The following WWTR1 variants were observed in gnomAD, a reference collection of about 807,000 sequenced individuals.
WWTR1 encodes the protein WW domain-containing transcription regulator protein 1.
A neutral mutation model predicts 40.1 loss-of-function variants in WWTR1; 13 were observed. The ratio of observed to expected loss-of-function variants is 0.32; its 90% CI spans 0.21 to 0.52. The LOEUF is 0.52. Ranked by LOEUF, WWTR1 falls within the 20% of genes least tolerant of loss-of-function variation. The probability of loss-of-function intolerance (pLI) is 0.97; values close to 1 mark genes in which losing one functional copy is unlikely to be tolerated. For synonymous variants in WWTR1, 230 were observed against 210.1 expected, an observed-to-expected ratio of 1.09 and a Z score of -0.82; for missense variants, 436 against 523.1, an observed-to-expected ratio of 0.83 and a Z score of 1.63.
intron 2 of WWTR1, among the ~76,000 whole-genome samples, chr3:149,637,696 CAGT>C (rs1355338500): frequency 6.6e-6 from 1 of 152,122 alleles, no homozygotes; most frequent in Non-Finnish European, 1.5e-5. Context: ...CTCTGATGGA[CAGT>C]AGAAAAGATT....
At chr3:149,713,971 G>A (rs1715536426) in intron 5 of WWTR1, among the ~76,000 whole-genome samples, 2 of 152,356 alleles carry the variant, frequency 1.3e-5, no homozygotes, top group South Asian at 2.1e-4. Context: ...GGGAGGCTGC[G>A]GGGAGGAGAT....
At chr3:149,542,280 T>A in intron 4 of WWTR1, 55 bp downstream of exon 4, 3 of 1,571,716 alleles carry the variant, frequency 1.9e-6, no homozygotes, top group Non-Finnish European at 2.6e-6. Context: ...TACCTACCCA[T>A]CAGCTTTGGC....
At chr3:149,680,212 G>A (rs1714408864) in intron 1 of WWTR1, among the ~76,000 whole-genome samples, 1 of 152,158 alleles carries the variant, frequency 6.6e-6, no homozygotes, top group South Asian at 2.1e-4. Context: ...CTTACATGTA[G>A]AGCTGTTGTG....
intron 2 of WWTR1, among the ~76,000 whole-genome samples, chr3:149,641,852 T>C (rs1361339884): frequency 1.3e-5 from 2 of 152,230 alleles, no homozygotes; most frequent in Admixed American, 6.5e-5. Context: ...TCTTGGACCT[T>C]TGCTTGAGAA....
At chr3:149,610,555 C>CT (rs1271124149) in intron 2 of WWTR1, among the ~76,000 whole-genome samples, 1 of 152,184 alleles carries the variant, frequency 6.6e-6, no homozygotes, top group Non-Finnish European at 1.5e-5. Flanking sequence ...ATAAAGAATT[C>CT]TTTGAGTTGT....
At chr3:149,671,315 G>A (rs1714080303) in intron 1 of WWTR1, among the ~76,000 whole-genome samples, 1 of 152,156 alleles carries the variant, frequency 6.6e-6, no homozygotes, top group African/African-American at 2.4e-5. Context: ...CACTGTCTAA[G>A]GTGACCTAGA....
upstream of WWTR1, chr3:149,659,682 G>C (rs1208048708): frequency 1.3e-5 from 2 of 151,998 alleles, no homozygotes; most frequent in Admixed American, 6.6e-5. Context: ...TTAAAATCTG[G>C]AGCTGCCTTG....
chr3:149,619,230 ACTT>A (rs1323933944), intron 2 of WWTR1, among the ~76,000 whole-genome samples: 1 of 152,052 alleles, frequency 6.6e-6, no homozygotes, highest in East Asian at 1.9e-4. Flanking sequence ...GCCCCCTGAA[ACTT>A]CTTGAAGAAG....
intron 1 of WWTR1, among the ~76,000 whole-genome samples, chr3:149,677,488 T>C (rs937239594): frequency 6.6e-6 from 1 of 152,092 alleles, no homozygotes; most frequent in Non-Finnish European, 1.5e-5. Flanking sequence ...CAAATGTATA[T>C]CTACAGAGCA....
Position 149,572,904 on chromosome 3 carries a change from T to G in WWTR1, c.528A>C (p.Pro176=). 1 of 1,613,946 alleles carries G rather than the reference T, an allele frequency of 6.2e-7. No homozygotes were observed. The highest frequency in any genetic ancestry group is 8.5e-7 in the Non-Finnish European group (1 of 1,180,006). ...MNLHPAVSST[P]VPQRSMAVSQ... is the part of the protein sequence containing the mutation. ...ATACTGCCATGGACCTCTGAGGCAC[T>G]GGTGTGGAACTGACGGCAGGGTGGA... is the stretch of plus-strand genomic sequence containing the variant. The change falls in exon 3 of 7, where the codon CCA becomes CCC. Residue 176 remains proline (P), a synonymous_variant. Transcript: ENST00000360632.
chr3:149,654,894 C>T (rs147094868), intron 2 of WWTR1, among the ~76,000 whole-genome samples: 5 of 151,806 alleles, frequency 3.3e-5, no homozygotes, highest in East Asian at 1.9e-4. Flanking sequence ...GAGGCCGAGG[C>T]GGGCAGATCA....
chr3:149,550,434 C>T (rs1190570973), intron 3 of WWTR1, among the ~76,000 whole-genome samples: 2 of 152,216 alleles, frequency 1.3e-5, no homozygotes, highest in South Asian at 2.1e-4. Flanking sequence ...TTCAACAACT[C>T]GTTTCTCAAA....
At chr3:149,659,329 TAA>T (rs1491454151), upstream of WWTR1, 1 of 135,946 alleles carries the variant, frequency 7.4e-6, no homozygotes, top group Non-Finnish European at 1.6e-5. Context: ...TATTGTGCCT[TAA>T]TTTTTTTTTT....
chr3:149,557,314 C>T (rs1371811998), intron 3 of WWTR1, among the ~76,000 whole-genome samples: 2 of 152,050 alleles, frequency 1.3e-5, no homozygotes, highest in Non-Finnish European at 1.5e-5. Context: ...TCAGCTGATC[C>T]GCCCGCCTGG....
chr3:149,671,727 C>T (rs527552214), intron 1 of WWTR1, among the ~76,000 whole-genome samples: 43 of 152,138 alleles, frequency 2.8e-4, no homozygotes, highest in African/African-American at 1.0e-3. Flanking sequence ...GATGTTTTTT[C>T]CCTAAGCTCC....
chr3:149,676,348 T>A (rs1399462238), intron 1 of WWTR1, among the ~76,000 whole-genome samples: 1 of 152,210 alleles, frequency 6.6e-6, no homozygotes, highest in African/African-American at 2.4e-5. Flanking sequence ...TTTTAGCATC[T>A]CTGGTTTTAA....
intron 4 of WWTR1, 102 bp from the exon 5 acceptor site, chr3:149,528,071 G>C: frequency 7.1e-7 from 1 of 1,416,138 alleles, no homozygotes; most frequent in South Asian, 1.4e-5. Flanking sequence ...AAAGCACTGT[G>C]TATTTACTCC....
intron 2 of WWTR1, among the ~76,000 whole-genome samples, chr3:149,586,070 A>G (rs1020673849): frequency 1.3e-5 from 2 of 152,230 alleles, no homozygotes; most frequent in Non-Finnish European, 2.9e-5. Flanking sequence ...TTTTTACTTA[A>G]CAAAGTACAA....
chr3:149,617,795 T>C (rs890970380), intron 2 of WWTR1, among the ~76,000 whole-genome samples: 4 of 152,138 alleles, frequency 2.6e-5, no homozygotes, highest in Non-Finnish European at 5.9e-5. Flanking sequence ...AGCAAAACTC[T>C]GTCTCAAAAT....
Sources: allele counts gnomAD v4.1 joint callset (sites outside exome capture counted in the v4.1 genomes callset), GRCh38; gene constraint gnomAD v4.1.1; transcripts MANE v1.5; gene names NCBI Gene and HGNC (gene_info 2026-07-23, HGNC 2026-07-21).